Variants in LRP1B observed in about 807,000 individuals in gnomAD.
LRP1B encodes LDL receptor related protein 1B.
A neutral mutation model predicts 556.6 loss-of-function variants in LRP1B; 217 were observed. The ratio of observed to expected loss-of-function variants is 0.39; its 90% confidence interval spans 0.35 to 0.44. The LOEUF is 0.44. LRP1B is among the 20% of genes least tolerant of loss of function. The pLI is 1.00. For missense variants in LRP1B, 5,053 were observed against 5,620.8 expected (o/e 0.90, Z 3.23); for synonymous variants, 2,047 against 1,865.8 (o/e 1.10, Z -2.50).
At chr2:141,772,547 C>T (rs1223732124) in intron 2 of LRP1B, among the ~76,000 whole-genome samples, 3 of 152,132 alleles carry the variant, frequency 2.0e-5, no homozygotes, top group African/African-American at 7.2e-5. Flanking sequence ...GGATAGGGTC[C>T]GGCGCTGGTG....
At chr2:140,582,507 AC>A (rs1681810559) in intron 43 of LRP1B, among the ~76,000 whole-genome samples, 1 of 152,174 alleles carries the variant, frequency 6.6e-6, no homozygotes, top group Non-Finnish European at 1.5e-5. Flanking sequence ...AAGAGGTGGG[AC>A]TTTTAGGAGC....
intron 2 of LRP1B, among the ~76,000 whole-genome samples, chr2:141,613,030 C>T (rs540009604): frequency 1.3e-5 from 2 of 151,692 alleles, no homozygotes; most frequent in Non-Finnish European, 2.9e-5. Flanking sequence ...AGGATGGTCT[C>T]GATCTCCTGA....
chr2:140,881,879 T>C (rs941213743), intron 25 of LRP1B, among the ~76,000 whole-genome samples: 7 of 152,164 alleles, frequency 4.6e-5, no homozygotes, highest in African/African-American at 1.7e-4. Flanking sequence ...TGTGTTTTTG[T>C]TTTCTTTCTT....
intron 1 of LRP1B, among the ~76,000 whole-genome samples, chr2:141,982,643 A>G (rs1702075434): frequency 6.6e-6 from 1 of 152,208 alleles, no homozygotes; most frequent in African/African-American, 2.4e-5. Context: ...TGTATTTGTA[A>G]TCTAAGAAAA....
intron 41 of LRP1B, among the ~76,000 whole-genome samples, chr2:140,611,529 C>A (rs930495102): frequency 1.2e-4 from 18 of 151,878 alleles, no homozygotes; most frequent in African/African-American, 4.1e-4. Flanking sequence ...AAGGCTATTC[C>A]AGATGGTAGG....
At chr2:140,779,904 T>C (rs1689638912) in intron 32 of LRP1B, among the ~76,000 whole-genome samples, 1 of 150,286 alleles carries the variant, frequency 6.7e-6, no homozygotes, top group African/African-American at 2.5e-5. Flanking sequence ...TGAGAAGGAA[T>C]CTAAAAAACA....
chr2:141,880,429 A>C (rs372593518), intron 1 of LRP1B, among the ~76,000 whole-genome samples: 2 of 152,072 alleles, frequency 1.3e-5, no homozygotes, highest in Non-Finnish European at 2.9e-5. Flanking sequence ...TAAATGAATA[A>C]AAACTATATA....
chr2:140,748,089 A>C (rs1241984635), intron 35 of LRP1B, among the ~76,000 whole-genome samples: 2 of 63,674 alleles, frequency 3.1e-5, no homozygotes, highest in African/African-American at 1.3e-4. Flanking sequence ...TTAAAGTCCT[A>C]TGAATATATA....
chr2:141,793,301 G>A (rs1237513220), intron 2 of LRP1B, among the ~76,000 whole-genome samples: 1 of 151,834 alleles, frequency 6.6e-6, no homozygotes, highest in African/African-American at 2.4e-5. Context: ...TATGAGTAAC[G>A]CTAAGGAGAA....
In LRP1B at chr2:141,546,962, G is replaced by T. The variant is rs558928242; in HGVS notation, c.206-66429C>A. Reference sequence around the variant, plus strand: ...TAGATCCTGCTTTCTTCTTTACTTAGTATTGCTCATTGATGTCCAAAGTTC... The same window carrying T: ...TAGATCCTGCTTTCTTCTTTACTTATTATTGCTCATTGATGTCCAAAGTTC... On this transcript the variant is annotated intron_variant, in intron 2 of 90. Transcript: ENST00000389484. 3.3e-5 allele frequency among the ~76,000 whole-genome samples: 5 copies of T among 152,096 alleles called. No homozygotes were observed. In the South Asian group the frequency reaches 1.0e-3, roughly 32 times the overall value.
intron 1 of LRP1B, among the ~76,000 whole-genome samples, chr2:142,104,776 C>T (rs978681867): frequency 2.6e-5 from 4 of 152,066 alleles, no homozygotes; most frequent in Non-Finnish European, 5.9e-5. Context: ...TATACTTAAC[C>T]AAGCCTTAAA....
chr2:140,492,733 G>A, intron 56 of LRP1B, 40 bp from the exon 57 acceptor site: 1 of 1,351,144 alleles, frequency 7.4e-7, no homozygotes. Context: ...CTTTAAGTAT[G>A]TATGCTTTTC....
chr2:140,688,967 G>A (rs1360678877), intron 41 of LRP1B, among the ~76,000 whole-genome samples: 1 of 152,186 alleles, frequency 6.6e-6, no homozygotes, highest in Admixed American at 6.5e-5. Flanking sequence ...GAATAAATAA[G>A]CAGTTGTTTT....
chr2:141,889,223 G>GA (rs937247417), intron 1 of LRP1B, among the ~76,000 whole-genome samples: 9 of 151,884 alleles, frequency 5.9e-5, no homozygotes, highest in Non-Finnish European at 5.9e-5. Context: ...GCATAAATAA[G>GA]AAAAAATGGA....
At chr2:141,079,858 T>C (rs183006975) in intron 7 of LRP1B, among the ~76,000 whole-genome samples, 103 of 152,282 alleles carry the variant, frequency 6.8e-4, no homozygotes, top group African/African-American at 2.4e-3. Flanking sequence ...TCGTTTTGAA[T>C]CCAGCATTAG....
At chr2:140,407,537 T>C (rs1310632514) in intron 66 of LRP1B, among the ~76,000 whole-genome samples, 1 of 152,026 alleles carries the variant, frequency 6.6e-6, no homozygotes, top group African/African-American at 2.4e-5. Context: ...TAGACATTTC[T>C]CAAAATAAGA....
intron 1 of LRP1B, among the ~76,000 whole-genome samples, chr2:141,892,810 A>G (rs1558944480): frequency 6.6e-6 from 1 of 152,162 alleles, no homozygotes; most frequent in Non-Finnish European, 1.5e-5. Flanking sequence ...TTTAATAAAA[A>G]TGAGAATTTT....
At chr2:141,522,084 T>C (rs1193130875) in intron 2 of LRP1B, among the ~76,000 whole-genome samples, 1 of 152,118 alleles carries the variant, frequency 6.6e-6, no homozygotes, top group Non-Finnish European at 1.5e-5. Context: ...GTCCACAAAG[T>C]GTGGCTCATA....
At position 140,922,946 on chromosome 2, in the gene LRP1B, A is replaced by G; in HGVS notation, c.3319+19T>C. On this transcript the variant is annotated intron_variant, in intron 21 of 90. Coordinates refer to ENST00000389484, the MANE Select transcript of LRP1B (RefSeq NM_018557.3). ...CACTCAGGGAGACCCAATAGAAGCC[A>G]AAAGCAATGTTCACTTACCTGTACT... 6.2e-7 allele frequency: 1 copy of G among 1,605,980 alleles called. No individual in the cohort carries two copies. The highest frequency in any genetic ancestry group is 1.1e-5 in the South Asian group (1 of 90,096).
Sources: gnomAD v4.1 joint callset for allele counts (sites outside exome capture counted in the v4.1 genomes callset) on GRCh38, gnomAD v4.1.1 for gene constraint, MANE v1.5 for transcripts, NCBI Gene and HGNC (gene_info 2026-07-23, HGNC 2026-07-21) for gene names.